ADSS1: variants seen among roughly 807,000 people sequenced by gnomAD.
ADSS1 encodes adenylosuccinate synthase 1, also known as adenylosuccinate synthetase isozyme 1.
Under a neutral mutation model 59.1 loss-of-function variants are expected in ADSS1, and 57 were observed. The observed-to-expected ratio is 0.97, with a 90% CI of 0.78 to 1.20. The LOEUF (loss-of-function observed/expected upper bound fraction) is 1.20, where lower values mean the gene tolerates loss of function less well. Among genes scored for constraint, ADSS1 ranks in the 50% most tolerant of loss-of-function variants. The pLI is 0.00. For synonymous variants in ADSS1, 247 were observed against 249.4 expected (o/e 0.99, Z 0.09); for missense variants, 603 against 610.3 (o/e 0.99, Z 0.13).
chr14:104,743,155 T>C lies in ADSS1; in HGVS notation c.1037T>C (p.Ile346Thr). The C allele has an allele frequency of 6.2e-7, 1 of 1,612,344 alleles. No homozygotes were observed. The highest frequency in any genetic ancestry group is 2.2e-5 in the East Asian group (1 of 44,878). ...CGCTGCGGCTGGCTCGACCTGATGA[T>C]TCTAAGATATGCTCACATGGTCAAC... ...KRRCGWLDLM[I>T]LRYAHMVNGF... is the part of the protein sequence containing the mutation. The change falls in exon 10 of 13, where the codon ATT becomes ACT. Residue 346 changes from isoleucine to threonine, a missense_variant. Transcript: ENST00000330877.
rs904498964 is a variant in ADSS1 at position 104,741,139 on chromosome 14, C to A, written c.689C>A (p.Pro230His). 1.2e-6 allele frequency: 2 copies of A among 1,609,478 alleles called. No individual in the cohort carries two copies. The highest frequency in any genetic ancestry group is 1.7e-6 in the Non-Finnish European group (2 of 1,177,208). The change falls in exon 8 of 13, where the codon CCC (proline) becomes CAC (histidine). Residue 230 changes from proline to histidine, a missense_variant. Transcript: ENST00000330877. ...RLKGFAERIRPMVRDGVYFMY... is the reference protein window; with the variant it reads ...RLKGFAERIRHMVRDGVYFMY... Reference sequence around the variant, plus strand: ...CAGGGCTTTGCTGAGCGGATCAGACCCATGGTCCGAGATGGTGTTTACTTT... The same window carrying A: ...CAGGGCTTTGCTGAGCGGATCAGACACATGGTCCGAGATGGTGTTTACTTT...
chr14:104,727,661 G>A (rs926946775), intron 1 of ADSS1, among the ~76,000 whole-genome samples: 8 of 152,084 alleles, frequency 5.3e-5, no homozygotes, highest in African/African-American at 1.4e-4. Flanking sequence ...CTTCCCCTGC[G>A]TGCTGTCCAG....
At position 104,740,734 on chromosome 14, in the gene ADSS1, G is replaced by C. The variant is rs1421989534; in HGVS notation, c.584+26G>C. 6.2e-7 allele frequency: 1 copy of C among 1,613,410 alleles called. No individual in the cohort carries two copies. Among genetic ancestry groups the C allele is most frequent in the Non-Finnish European group, 8.5e-7 (1 of 1,179,448 alleles). On this transcript the variant is annotated intron_variant, in intron 6 of 12. Coordinates refer to ENST00000330877, the MANE Select transcript of ADSS1 (RefSeq NM_152328.5). This position sits in a 1 kb window ranked among gnomAD's most constrained non-coding sequence, Gnocchi z 4.8. ...GTACCTGAGCCGTCTGCAGTCCCCG[G>C]GGAGGATGGGGAGAAGTTGCCGGAA...
rs755766738 is a variant in ADSS1 at position 104,741,159 on chromosome 14, T to C, written c.709T>C (p.Tyr237His). ...CAGACCCATGGTCCGAGATGGTGTTTACTTTATGTATGAGGCACTCCACGG... is the reference window on the plus strand; with the variant it reads ...CAGACCCATGGTCCGAGATGGTGTTCACTTTATGTATGAGGCACTCCACGG... The part of the protein sequence containing the change: ...RIRPMVRDGV[Y>H]FMYEALHGPP... Residue 237 changes from tyrosine (Y) to histidine (H), a missense_variant, in exon 8 of 13, where the codon TAC becomes CAC. Tyr to His is a moderately conservative substitution (Grantham distance 83). Transcript: ENST00000330877. The C allele has an allele frequency of 8.1e-5, 130 of 1,612,048 alleles. No homozygotes were observed. Among genetic ancestry groups the C allele is most frequent in the Admixed American group, 2.0e-4 (12 of 59,744 alleles).
At chr14:104,741,805 CA>C in intron 8 of ADSS1, 42 bp from the exon 9 acceptor site, 4 of 1,606,830 alleles carry the variant, frequency 2.5e-6, no homozygotes, top group Non-Finnish European at 3.4e-6. Context: ...GAATAATCTA[CA>C]GGGGGTGACA....
intron 12 of ADSS1, among the ~76,000 whole-genome samples, 174 bp downstream of exon 12, chr14:104,746,559 A>G (rs1356610614): frequency 6.6e-6 from 1 of 152,208 alleles, no homozygotes; most frequent in Non-Finnish European, 1.5e-5. Flanking sequence ...GCTCCGGGCT[A>G]GGGTGTGGGT....
rs188251428 is a variant in ADSS1 at position 104,740,823 on chromosome 14, A to T, written c.585-16A>T. 2 of 1,613,778 alleles carry T rather than the reference A, an allele frequency of 1.2e-6. No homozygotes were observed. Among genetic ancestry groups the T allele is most frequent in the Non-Finnish European group, 1.7e-6 (2 of 1,179,950 alleles). ...TGGACCATGACAGGGGGTGATGATG[A>T]CTGTCCCTTGTGCAGATTCAAGAAC... On this transcript the variant is annotated splice_polypyrimidine_tract_variant and intron_variant, in intron 6 of 12. Coordinates refer to ENST00000330877, the MANE Select transcript of ADSS1 (RefSeq NM_152328.5). The surrounding 1 kb of genome is among the most constrained non-coding windows in gnomAD (Gnocchi z 4.8).
chr14:104,734,864 C>T (rs985684034), intron 1 of ADSS1, among the ~76,000 whole-genome samples, 156 bp from the exon 2 acceptor site: 2 of 152,242 alleles, frequency 1.3e-5, no homozygotes, highest in African/African-American at 4.8e-5. Context: ...ACATCCCAGT[C>T]CCGCACAGAC....
At chr14:104,736,073 C>T (rs537234337) in intron 2 of ADSS1, among the ~76,000 whole-genome samples, 3 of 152,304 alleles carry the variant, frequency 2.0e-5, no homozygotes, top group East Asian at 1.9e-4. Flanking sequence ...GAAGATAGCG[C>T]GGAGGTGGCT....
intron 1 of ADSS1, among the ~76,000 whole-genome samples, chr14:104,731,183 GTC>G (rs1292198822): frequency 6.6e-6 from 1 of 152,136 alleles, no homozygotes; most frequent in Non-Finnish European, 1.5e-5. Flanking sequence ...TCTTCATATC[GTC>G]TCTCTCACTC....
intron 1 of ADSS1, among the ~76,000 whole-genome samples, chr14:104,729,061 G>C (rs570922100): frequency 1.3e-5 from 2 of 152,178 alleles, no homozygotes; most frequent in African/African-American, 4.8e-5. Context: ...CCTCGTCCAG[G>C]TGTTGCTGCA....
rs1328907985 is a variant in ADSS1, at chr14:104,741,258, G to T, written c.793+15G>T. 6.5e-7 allele frequency: 1 copy of T among 1,544,644 alleles called. No homozygotes were observed. Among genetic ancestry groups the T allele is most frequent in the Non-Finnish European group, 8.7e-7 (1 of 1,144,110 alleles). The stretch of plus-strand genomic sequence containing the variant: ...CATTGACTTCGGTATGTCCGGGAGG[G>T]TGTGCGTGCCAACGACCTTTCGTGC... On this transcript the variant is annotated intron_variant, in intron 8 of 12. Transcript: ENST00000330877.
intron 9 of ADSS1, among the ~76,000 whole-genome samples, chr14:104,742,280 C>T (rs1891394761): frequency 6.6e-6 from 1 of 152,258 alleles, no homozygotes; most frequent in Non-Finnish European, 1.5e-5. Flanking sequence ...GTGTGTGAGG[C>T]CCACAGGCAA....
Position 104,731,889 on chromosome 14 carries a change from G to A in ADSS1, c.193-3131G>A, listed in dbSNP as rs553408232. On this transcript the variant is annotated intron_variant, in intron 1 of 12. Coordinates refer to ENST00000330877, the MANE Select transcript of ADSS1 (RefSeq NM_152328.5). ...GACCCTGAGGGGCCCCCTGCAGCAGGATCCATGGACCCATCTACTGGGCCA... is the reference window on the plus strand; with the variant it reads ...GACCCTGAGGGGCCCCCTGCAGCAGAATCCATGGACCCATCTACTGGGCCA... 1.5e-3 allele frequency among the ~76,000 whole-genome samples: 236 copies of A among 152,314 alleles called. 3 individuals are homozygous for A. Among genetic ancestry groups the A allele is most frequent in the African/African-American group, 5.4e-3 (223 of 41,574 alleles).
intron 3 of ADSS1, 130 bp downstream of exon 3, chr14:104,738,568 C>T: frequency 9.9e-7 from 1 of 1,009,650 alleles, no homozygotes; most frequent in Non-Finnish European, 1.5e-6. Flanking sequence ...ATAGCTGGCC[C>T]AGCTCATCAC....
At position 104,743,058 on chromosome 14, in the gene ADSS1, C is replaced by T. The variant is rs766844704; in HGVS notation, c.949-9C>T. 1.2e-6 allele frequency: 2 copies of T among 1,612,748 alleles called. No homozygotes were observed. Among genetic ancestry groups the T allele is most frequent in the Non-Finnish European group, 1.7e-6 (2 of 1,179,926 alleles). ...CAGCTCACATGACGTCCTCCCTGTT[C>T]TCATGTAGGAGATTGGAGGCCTGCT... On this transcript the variant is annotated splice_polypyrimidine_tract_variant and intron_variant, in intron 9 of 12. Transcript: ENST00000330877.
rs900752163 is a variant in ADSS1, at chr14:104,741,151, ATGG to A, written c.704_706del (p.Gly235del). The A allele has an allele frequency of 1.2e-6, 2 of 1,610,844 alleles. No homozygotes were observed. Among genetic ancestry groups the A allele is most frequent in the African/African-American group, 2.7e-5 (2 of 74,764 alleles). On this transcript the variant is annotated inframe_deletion, in exon 8 of 13. Transcript: ENST00000330877. ...GAGCGGATCAGACCCATGGTCCGAG[ATGG>A]TGTTTACTTTATGTATGAGGCACTC...
Position 104,743,099 on chromosome 14 carries a change from C to A in ADSS1, c.981C>A (p.His327Gln). The A allele has an allele frequency of 6.2e-7, 1 of 1,613,122 alleles. No individual in the cohort carries two copies. Reference protein sequence around the residue: ...EIGGLLQTRGHEWGVTTGRKR... With the variant: ...EIGGLLQTRGQEWGVTTGRKR... ...GAGGCCTGCTGCAGACCCGCGGCCA[C>A]GAGTGGGGAGTGACCACAGGCAGGA... The change falls in exon 10 of 13, where the codon CAC becomes CAA. Residue 327 changes from histidine (H) to glutamine (Q), a missense_variant. Transcript: ENST00000330877.
intron 9 of ADSS1, among the ~76,000 whole-genome samples, chr14:104,742,762 A>T (rs1595212427): frequency 6.6e-6 from 1 of 152,064 alleles, no homozygotes; most frequent in Non-Finnish European, 1.5e-5. Context: ...GCAGGAGGGG[A>T]AGACAGCAAG....
Sources: allele counts gnomAD v4.1 joint callset (sites outside exome capture counted in the v4.1 genomes callset), GRCh38; gene constraint gnomAD v4.1.1; non-coding constraint Gnocchi (gnomAD v3.1); transcripts MANE v1.5; gene names NCBI Gene and HGNC (gene_info 2026-07-23, HGNC 2026-07-21).